RBFOX1: variants seen among roughly 807,000 people sequenced by gnomAD.
RBFOX1 encodes RNA binding protein fox-1 homolog 1.
RBFOX1 carries 8 observed loss-of-function variants against 57.7 expected under a neutral mutation model. The ratio of observed to expected loss-of-function variants is 0.14; its 90% CI spans 0.08 to 0.25. The LOEUF (loss-of-function observed/expected upper bound fraction) is 0.25, where lower values mean the gene tolerates loss of function less well. Ranked by LOEUF, RBFOX1 falls within the 10% of genes least tolerant of loss-of-function variation. RBFOX1 has a pLI of 1.00. For missense variants in RBFOX1, 611 were observed against 548.5 expected (o/e 1.11, Z -1.14); for synonymous variants, 326 against 222.4 (o/e 1.47, Z -4.15).
At chr16:6,035,165 C>CA (rs1419216370) in intron 1 of RBFOX1, among the ~76,000 whole-genome samples, 9 of 152,168 alleles carry the variant, frequency 5.9e-5, no homozygotes, top group African/African-American at 2.2e-4. Flanking sequence ...CAGATTTTGC[C>CA]AAACGTCCCT....
chr16:7,094,406 C>T (rs1405069320), intron 4 of RBFOX1, among the ~76,000 whole-genome samples: 1 of 151,876 alleles, frequency 6.6e-6, no homozygotes, highest in Admixed American at 6.6e-5. Flanking sequence ...TGAAAAAAAA[C>T]ATGGGAAGGA....
At chr16:7,056,900 T>A (rs1457361184) in intron 4 of RBFOX1, among the ~76,000 whole-genome samples, 4 of 152,128 alleles carry the variant, frequency 2.6e-5, no homozygotes, top group Non-Finnish European at 4.4e-5. Flanking sequence ...AGCACTGGTA[T>A]GGACTTAGGT....
intron 1 of RBFOX1, among the ~76,000 whole-genome samples, chr16:5,309,733 G>C (rs1226179291): frequency 6.6e-6 from 1 of 152,098 alleles, no homozygotes; most frequent in Non-Finnish European, 1.5e-5. Flanking sequence ...ATTATAGAGA[G>C]TATAATTTTA....
chr16:7,163,741 C>G (rs746508175), intron 4 of RBFOX1, among the ~76,000 whole-genome samples: 2 of 152,144 alleles, frequency 1.3e-5, no homozygotes, highest in Non-Finnish European at 2.9e-5. Context: ...ACTGCAACCT[C>G]TGCCTCGTGG....
chr16:5,712,227 T>C lies in RBFOX1; in HGVS notation c.318+113266T>C, dbSNP rs190711621. ...TCTTCAACACCTCAACACCTGGGGA[T>C]TACCATTTGAGATGATATTTGAGTG... On this transcript the variant is annotated intron_variant, in intron 3 of 19. Coordinates refer to the RBFOX1 transcript ENST00000641259. 3.4e-3 allele frequency among the ~76,000 whole-genome samples: 518 copies of C among 152,324 alleles called. 2 individuals are homozygous for C. The highest frequency in any genetic ancestry group is 5.8e-3 in the Non-Finnish European group (394 of 68,030).
chr16:7,198,572 G>T (rs1036195012), intron 4 of RBFOX1, among the ~76,000 whole-genome samples: 11 of 152,148 alleles, frequency 7.2e-5, no homozygotes, highest in African/African-American at 2.7e-4. Flanking sequence ...TTTGGCTCAT[G>T]GGTTTGGAGG....
At chr16:6,018,855 C>T (rs1187107915), upstream of RBFOX1, among the ~76,000 whole-genome samples, 3 of 152,138 alleles carry the variant, frequency 2.0e-5, no homozygotes, top group Admixed American at 6.5e-5. Context: ...GTCCTGGGCT[C>T]ATTGCCCCAG....
chr16:5,406,568 C>G (rs189992797), intron 1 of RBFOX1, among the ~76,000 whole-genome samples: 2 of 151,862 alleles, frequency 1.3e-5, no homozygotes, highest in African/African-American at 4.8e-5. Context: ...GTGTTTCTCT[C>G]TCTTTATTTC....
intron 5 of RBFOX1, among the ~76,000 whole-genome samples, chr16:7,550,072 G>A (rs2085864729): frequency 6.6e-6 from 1 of 152,020 alleles, no homozygotes; most frequent in Non-Finnish European, 1.5e-5. Flanking sequence ...TGGGAACACA[G>A]GCACACAACA....
intron 3 of RBFOX1, among the ~76,000 whole-genome samples, chr16:5,853,886 A>G (rs953377044): frequency 1.3e-5 from 2 of 152,158 alleles, no homozygotes; most frequent in Non-Finnish European, 2.9e-5. Flanking sequence ...CGGCCTCCCA[A>G]AGTGCTGAAA....
chr16:5,899,744 A>G (rs2058261535), intron 4 of RBFOX1, among the ~76,000 whole-genome samples: 1 of 152,186 alleles, frequency 6.6e-6, no homozygotes, highest in Non-Finnish European at 1.5e-5. Context: ...CCATCCACAG[A>G]TTCACCTGAA....
chr16:5,621,206 G>A (rs1043162104), intron 3 of RBFOX1, among the ~76,000 whole-genome samples: 8 of 152,026 alleles, frequency 5.3e-5, no homozygotes, highest in African/African-American at 1.9e-4. Flanking sequence ...CAAACTCTTC[G>A]GCTCATGGGA....
chr16:5,809,721 T>C (rs2055353766), intron 3 of RBFOX1, among the ~76,000 whole-genome samples: 1 of 152,204 alleles, frequency 6.6e-6, no homozygotes, highest in Admixed American at 6.5e-5. Context: ...TTTTACACTG[T>C]TGGTGGGACA....
intron 4 of RBFOX1, among the ~76,000 whole-genome samples, chr16:7,465,993 C>G (rs573601812): frequency 2.0e-5 from 3 of 152,292 alleles, no homozygotes; most frequent in African/African-American, 7.2e-5. Context: ...CAGATCTCAT[C>G]GTTCCAGTTT....
chr16:5,469,414 T>G (rs1168107195), intron 2 of RBFOX1, among the ~76,000 whole-genome samples: 1 of 152,190 alleles, frequency 6.6e-6, no homozygotes, highest in South Asian at 2.1e-4. Flanking sequence ...ATGCCAGGGA[T>G]TATCCCAGGT....
chr16:5,851,496 A>G (rs572612894), intron 3 of RBFOX1, among the ~76,000 whole-genome samples: 1 of 152,166 alleles, frequency 6.6e-6, no homozygotes, highest in Non-Finnish European at 1.5e-5. Flanking sequence ...AGCCCTGCCG[A>G]AGAAGATGAA....
intron 2 of RBFOX1, among the ~76,000 whole-genome samples, chr16:5,579,244 G>GTAGCCAGACAGGTGCTTA (rs1567252449): frequency 1.3e-5 from 2 of 152,028 alleles, no homozygotes; most frequent in Non-Finnish European, 2.9e-5. Context: ...AAATAGTGCA[G>GTAGCCAGACAGGTGCTTA]GTAGCCAGAC....
At chr16:5,289,246 C>T (rs556539745) in intron 1 of RBFOX1, 22 of 376,052 alleles carry the variant, frequency 5.9e-5, no homozygotes, top group African/African-American at 3.1e-4. Flanking sequence ...CATCATGAGA[C>T]GGGCAGGAGG....
intron 4 of RBFOX1, among the ~76,000 whole-genome samples, chr16:7,505,519 T>C (rs1447456255): frequency 6.6e-6 from 1 of 152,210 alleles, no homozygotes; most frequent in East Asian, 1.9e-4. Context: ...GAAGTGGCCA[T>C]ATCCAGGTCT....
Sources: gnomAD v4.1 joint callset for allele counts (sites outside exome capture counted in the v4.1 genomes callset) on GRCh38, gnomAD v4.1.1 for gene constraint, MANE v1.5 for transcripts, NCBI Gene and HGNC (gene_info 2026-07-23, HGNC 2026-07-21) for gene names.